Variants in KALRN observed in about 807,000 individuals in gnomAD.
KALRN encodes the protein kalirin.
In KALRN, 70 loss-of-function variants were observed where a neutral mutation model predicts 353.7. The observed-to-expected ratio is 0.20, with a 90% confidence interval of 0.16 to 0.24. The LOEUF is 0.24. Ranked by LOEUF, KALRN falls within the 10% of genes least tolerant of loss-of-function variation. KALRN has a pLI of 1.00. For missense variants in KALRN, 2,791 were observed against 3,756.7 expected (o/e 0.74, Z 6.72); for synonymous variants, 1,391 against 1,434.8 (o/e 0.97, Z 0.69).
In KALRN at chr3:124,725,014, G is replaced by A. The variant is rs904329974; in HGVS notation, c.*5544G>A. The A allele has an allele frequency of 1.3e-5, 2 of 152,188 alleles. No homozygotes were observed. Among genetic ancestry groups the A allele is most frequent in the Non-Finnish European group, 2.9e-5 (2 of 68,038 alleles). 9.4% of individuals were successfully genotyped at this position (152,188 alleles called of 1,614,324 possible). ...CAGATAGTGAGGTTAGCTGAGAAAA[G>A]GAAGCATGGTAGAAGAAATGCAAAT... On this transcript the variant is annotated 3_prime_UTR_variant, in exon 60 of 60. Coordinates refer to ENST00000682506, the MANE Select transcript of KALRN (RefSeq NM_001388419.1).
At chr3:124,250,504 C>A (rs1176495820) in intron 3 of KALRN, among the ~76,000 whole-genome samples, 1 of 152,214 alleles carries the variant, frequency 6.6e-6, no homozygotes, top group African/African-American at 2.4e-5. Flanking sequence ...CAGCTCTCTT[C>A]TCTTACTCCA....
intron 1 of KALRN, chr3:124,163,949 C>T: frequency 1.0e-6 from 1 of 985,446 alleles, no homozygotes; most frequent in South Asian, 4.7e-5. Flanking sequence ...AGCTCACAGT[C>T]CAGCTTGAAT....
intron 13 of KALRN, among the ~76,000 whole-genome samples, chr3:124,399,727 C>T (rs934310442): frequency 6.6e-6 from 1 of 152,212 alleles, no homozygotes; most frequent in African/African-American, 2.4e-5. Context: ...TTTGTTAGTT[C>T]ATCTCATAAA....
chr3:124,158,684 C>A (rs557688601), intron 1 of KALRN, among the ~76,000 whole-genome samples: 13 of 152,312 alleles, frequency 8.5e-5, no homozygotes, highest in African/African-American at 1.7e-4. Context: ...CCTCCTCCCC[C>A]CACCACCCGC....
intron 10 of KALRN, among the ~76,000 whole-genome samples, chr3:124,369,957 T>A (rs10470413): frequency 0.028 from 4,334 of 152,338 alleles, 197 homozygotes; most frequent in African/African-American, 0.099. Context: ...CCTTTTTTAT[T>A]GCTGAATAGT....
intron 10 of KALRN, among the ~76,000 whole-genome samples, chr3:124,352,978 C>T (rs149221526): frequency 1.6e-4 from 24 of 152,096 alleles, no homozygotes; most frequent in African/African-American, 5.3e-4. Flanking sequence ...CAAACCTGCA[C>T]GTTGTGCACA....
At chr3:124,561,366 G>A (rs1015477026) in intron 33 of KALRN, among the ~76,000 whole-genome samples, 1 of 152,176 alleles carries the variant, frequency 6.6e-6, no homozygotes, top group Middle Eastern at 3.2e-3. Context: ...CTATGGGGAC[G>A]TGGTTAGCAC....
chr3:124,697,797 A>G (rs1339581292), intron 55 of KALRN, 73 bp downstream of exon 55: 11 of 1,359,606 alleles, frequency 8.1e-6, no homozygotes, highest in Non-Finnish European at 1.1e-5. Flanking sequence ...GCAGTAAAAC[A>G]CACATAATAA....
chr3:124,449,887 T>C (rs1226280359), intron 21 of KALRN, among the ~76,000 whole-genome samples: 1 of 152,272 alleles, frequency 6.6e-6, no homozygotes, highest in African/African-American at 2.4e-5. Context: ...TTTTGTCCTA[T>C]TATTGCTAAA....
chr3:124,652,617 C>T (rs899067392), intron 38 of KALRN, among the ~76,000 whole-genome samples: 1 of 151,954 alleles, frequency 6.6e-6, no homozygotes, highest in African/African-American at 2.4e-5. Flanking sequence ...CTCTCTTTTG[C>T]CCAGGCCAGA....
At chr3:124,619,280 A>G (rs779465479) in intron 34 of KALRN, among the ~76,000 whole-genome samples, 3 of 152,122 alleles carry the variant, frequency 2.0e-5, no homozygotes, top group African/African-American at 4.8e-5. Flanking sequence ...TTGTCTGTGT[A>G]TATAAATACA....
At chr3:124,430,622 G>A in intron 15 of KALRN, 34 bp from the exon 16 acceptor site, 1 of 1,611,448 alleles carries the variant, frequency 6.2e-7, no homozygotes, top group Admixed American at 1.7e-5. Context: ...ACTGCGGAAG[G>A]CCATTCACCT....
chr3:124,265,983 C>T lies in KALRN; in HGVS notation c.456+1293C>T, dbSNP rs1302209661. On this transcript the variant is annotated intron_variant, in intron 4 of 59. Coordinates refer to ENST00000682506, the MANE Select transcript of KALRN (RefSeq NM_001388419.1). ...ATACAAAATTAGCCGGGCGTGGTGG[C>T]GTGTGCCTGTAATCCAAGCTACTCA... 1.4e-4 allele frequency among the ~76,000 whole-genome samples: 21 copies of T among 152,100 alleles called. 1 individual carries two copies. The highest frequency in any genetic ancestry group is 6.2e-4 in the South Asian group (3 of 4,808).
rs563281589 is a variant in KALRN at position 124,367,004 on chromosome 3, T to C, written c.1771-17841T>C. ...TCCCGGACGGGGCGGCTGGCCGGGT[T>C]GGGGGGCTGACCGCCCCCACCTCCC... On this transcript the variant is annotated intron_variant, in intron 10 of 59. Coordinates refer to ENST00000682506, the MANE Select transcript of KALRN (RefSeq NM_001388419.1). Among the ~76,000 whole-genome samples, 16 of 109,560 alleles carry C rather than the reference T, an allele frequency of 1.5e-4. No individual in the cohort carries two copies. The South Asian group carries it at 4.8e-3, about 33-fold the overall frequency. 71.9% of individuals were successfully genotyped at this position (109,560 alleles called of 152,430 possible).
Position 124,712,992 on chromosome 3 carries a change from T to C in KALRN, c.8133T>C (p.Ala2711=). 1 of 1,614,114 alleles carries C rather than the reference T, an allele frequency of 6.2e-7. No individual in the cohort carries two copies. Among genetic ancestry groups the C allele is most frequent in the Non-Finnish European group, 8.5e-7 (1 of 1,180,006 alleles). Residue 2711 remains alanine, a synonymous_variant, in exon 58 of 60, where the codon GCT becomes GCC. Coordinates refer to ENST00000682506, the MANE Select transcript of KALRN (RefSeq NM_001388419.1). ...ACAAAGCTACCCGCAAAGATGTGGC[T>C]GTGAAATTTGTTAGCAAAAAAATGA... ...CIHKATRKDV[A]VKFVSKKMKK... is the part of the protein sequence containing the mutation.
intron 27 of KALRN, among the ~76,000 whole-genome samples, chr3:124,479,933 C>T (rs1054382870): frequency 3.3e-5 from 5 of 152,152 alleles, no homozygotes; most frequent in Admixed American, 6.5e-5. Context: ...CCGTGTTAGC[C>T]AGGATGGTCT....
At chr3:124,331,620 G>A (rs2080566806) in intron 8 of KALRN, among the ~76,000 whole-genome samples, 1 of 136,556 alleles carries the variant, frequency 7.3e-6, no homozygotes, top group African/African-American at 3.1e-5. Flanking sequence ...GATCCATATG[G>A]CTCAAAGCTT....
At chr3:124,360,980 A>G (rs1460945434) in intron 10 of KALRN, among the ~76,000 whole-genome samples, 1 of 152,266 alleles carries the variant, frequency 6.6e-6, no homozygotes, top group Admixed American at 6.5e-5. Context: ...AAAGACAAAC[A>G]TACAAGAATA....
At chr3:124,640,822 G>A (rs546888402) in intron 37 of KALRN, among the ~76,000 whole-genome samples, 104 of 152,246 alleles carry the variant, frequency 6.8e-4, no homozygotes, top group Middle Eastern at 3.4e-3. Flanking sequence ...TTACCCCAGA[G>A]GGCAGAATCT....
Sources: gnomAD v4.1 joint callset for allele counts (sites outside exome capture counted in the v4.1 genomes callset) on GRCh38, gnomAD v4.1.1 for gene constraint, MANE v1.5 for transcripts, NCBI Gene and HGNC (gene_info 2026-07-23, HGNC 2026-07-21) for gene names.